LTBP1: variants seen among roughly 807,000 people sequenced by gnomAD.
LTBP1 encodes the protein latent transforming growth factor beta binding protein 1, also known as latent-transforming growth factor beta-binding protein 1.
A neutral mutation model predicts 207.6 loss-of-function variants in LTBP1; 129 were observed. The observed-to-expected ratio is 0.62, with a 90% CI of 0.54 to 0.72. The LOEUF (loss-of-function observed/expected upper bound fraction) is 0.72. Among genes scored for constraint, LTBP1 ranks in the 30% least tolerant of loss-of-function variants. The probability of loss-of-function intolerance (pLI) is 0.00; values close to 1 mark genes in which losing one functional copy is unlikely to be tolerated. For missense variants in LTBP1, 2,281 were observed against 2,217.2 expected (o/e 1.03, Z -0.58); for synonymous variants, 963 against 833.7 (o/e 1.16, Z -2.67).
At chr2:32,980,806 T>G (rs1425190723) in intron 2 of LTBP1, among the ~76,000 whole-genome samples, 2 of 152,202 alleles carry the variant, frequency 1.3e-5, no homozygotes, top group Non-Finnish European at 2.9e-5. Context: ...TGGGAAAGTC[T>G]TTATTTCTCC....
Position 33,188,715 on chromosome 2 carries a change from C to G in LTBP1, c.1565C>G (p.Ser522Trp). 6.2e-7 allele frequency: 1 copy of G among 1,614,176 alleles called. No individual in the cohort carries two copies. Among genetic ancestry groups the G allele is most frequent in the South Asian group, 1.1e-5 (1 of 91,088 alleles). Reference sequence around the variant, plus strand: ...GCTCAACCAGGCCAATCCCAAGTCTCGTACCAAGGGCTTCCTGTCCAGAAG... The same window carrying G: ...GCTCAACCAGGCCAATCCCAAGTCTGGTACCAAGGGCTTCCTGTCCAGAAG... ...KEAQPGQSQV[S>W]YQGLPVQKTQ... Residue 522 changes from serine (S) to tryptophan (W), a missense_variant, in exon 7 of 34, where the codon TCG (serine) becomes TGG (tryptophan). By Grantham distance (177) the Ser-to-Trp change is radical. Transcript: ENST00000404816.
chr2:32,986,115 C>T (rs532694569), intron 2 of LTBP1, among the ~76,000 whole-genome samples: 5 of 152,276 alleles, frequency 3.3e-5, no homozygotes, highest in African/African-American at 1.2e-4. Flanking sequence ...TCTCTCGTGT[C>T]TTTCTGACCC....
Position 33,076,074 on chromosome 2 carries a change from G to T in LTBP1, c.864-34508G>T, listed in dbSNP as rs572171505. On this transcript the variant is annotated intron_variant, in intron 3 of 33. Transcript: ENST00000404816. ...TAAAAAGGAATATTAAGGTATGTTT[G>T]GAGTTGTATGTGACAACCAAAATGA... Among the ~76,000 whole-genome samples, 41 of 152,262 alleles carry T rather than the reference G, an allele frequency of 2.7e-4. 2 individuals carry two copies. In the East Asian group the frequency reaches 6.0e-3, roughly 22 times the overall value.
chr2:32,947,867 C>CCG (rs1030279622), intron 1 of LTBP1, 49 bp downstream of exon 1: 10 of 1,270,312 alleles, frequency 7.9e-6, no homozygotes, highest in Middle Eastern at 3.0e-4. Context: ...CGCGCACCGC[C>CCG]CGCGGAGGGA....
At chr2:33,221,971 T>C in intron 8 of LTBP1, 109 bp from the exon 9 acceptor site, 2 of 689,922 alleles carry the variant, frequency 2.9e-6, no homozygotes, top group East Asian at 2.7e-5. Flanking sequence ...CTTATATTAA[T>C]AAATGAATAA....
intron 11 of LTBP1, among the ~76,000 whole-genome samples, chr2:33,253,747 G>T (rs1037755980): frequency 6.6e-6 from 1 of 152,048 alleles, no homozygotes; most frequent in African/African-American, 2.4e-5. Context: ...TTTGTTCATG[G>T]TTAGAACCAG....
chr2:33,084,976 G>A (rs2078665908), intron 3 of LTBP1, among the ~76,000 whole-genome samples: 1 of 152,164 alleles, frequency 6.6e-6, no homozygotes, highest in African/African-American at 2.4e-5. Context: ...GATCTTATTG[G>A]AAAATTAAGG....
chr2:33,084,141 A>G (rs1162708722), intron 3 of LTBP1, among the ~76,000 whole-genome samples: 1 of 152,216 alleles, frequency 6.6e-6, no homozygotes, highest in Non-Finnish European at 1.5e-5. Context: ...AATAGCAGAC[A>G]AAGAAGGCTT....
At chr2:33,031,302 G>C (rs193071232) in intron 3 of LTBP1, among the ~76,000 whole-genome samples, 32 of 152,232 alleles carry the variant, frequency 2.1e-4, no homozygotes, top group African/African-American at 6.5e-4. Context: ...CAAGTTCTCT[G>C]TGCATTTCTA....
chr2:33,279,624 T>G (rs1354466185), intron 18 of LTBP1, among the ~76,000 whole-genome samples: 4 of 152,132 alleles, frequency 2.6e-5, no homozygotes, highest in African/African-American at 7.2e-5. Flanking sequence ...CCCTAGAGCA[T>G]CCAATGTTTG....
intron 17 of LTBP1, among the ~76,000 whole-genome samples, chr2:33,275,460 G>A (rs955976562): frequency 3.9e-5 from 6 of 152,110 alleles, no homozygotes; most frequent in East Asian, 1.9e-4. Flanking sequence ...CGAGCCTGGC[G>A]GATCACCTGA....
chr2:33,328,498 G>C (rs2149443000), intron 24 of LTBP1, among the ~76,000 whole-genome samples: 1 of 152,294 alleles, frequency 6.6e-6, no homozygotes, highest in South Asian at 2.1e-4. Flanking sequence ...TTACAGTCAT[G>C]GTGGAAGGCA....
chr2:33,388,491 G>T (rs1404783547), intron 31 of LTBP1, among the ~76,000 whole-genome samples: 1 of 152,182 alleles, frequency 6.6e-6, no homozygotes, highest in Admixed American at 6.5e-5. Context: ...AATGGAGATG[G>T]TAGAACATAG....
At chr2:33,063,159 T>G (rs2077349507) in intron 3 of LTBP1, 1 of 152,242 alleles carries the variant, frequency 6.6e-6, no homozygotes, top group Admixed American at 6.5e-5. Context: ...TCAAAACCAC[T>G]TTTTGACATT....
chr2:33,119,014 C>T (rs1350864314), intron 4 of LTBP1, among the ~76,000 whole-genome samples: 3 of 152,074 alleles, frequency 2.0e-5, no homozygotes, highest in Non-Finnish European at 1.5e-5. Flanking sequence ...TTAAATTCCT[C>T]GATGAGCAGC....
At chr2:33,286,486 C>T (rs1216114150) in intron 19 of LTBP1, among the ~76,000 whole-genome samples, 1 of 152,212 alleles carries the variant, frequency 6.6e-6, no homozygotes, top group Non-Finnish European at 1.5e-5. Flanking sequence ...CTTGGTACAG[C>T]AGATATTTGT....
At chr2:33,145,287 T>A (rs909663410) in intron 5 of LTBP1, among the ~76,000 whole-genome samples, 2 of 152,094 alleles carry the variant, frequency 1.3e-5, no homozygotes, top group Non-Finnish European at 2.9e-5. Context: ...CTTTATGCAA[T>A]ACTGAGAGAT....
Position 33,398,602 on chromosome 2 carries a change from G to A in LTBP1, c.*57G>A. 14 of 1,490,852 alleles carry A rather than the reference G, an allele frequency of 9.4e-6. No homozygotes were observed. The highest frequency in any genetic ancestry group is 1.3e-5 in the Non-Finnish European group (14 of 1,103,856). 92.4% of individuals were successfully genotyped at this position (1,490,852 alleles called of 1,614,324 possible). On this transcript the variant is annotated 3_prime_UTR_variant, in exon 34 of 34. Transcript: ENST00000404816. ...TCTGCACTGTGTAAAGGAAAAGGGA[G>A]AAATGTATTATACTTGAGACATTGC...
chr2:33,345,615 A>G (rs777426547), intron 25 of LTBP1, among the ~76,000 whole-genome samples: 1 of 152,236 alleles, frequency 6.6e-6, no homozygotes, highest in Non-Finnish European at 1.5e-5. Flanking sequence ...GGTATTTTTC[A>G]CAAGTGAAAC....
Sources: allele counts gnomAD v4.1 joint callset (sites outside exome capture counted in the v4.1 genomes callset), GRCh38; gene constraint gnomAD v4.1.1; transcripts MANE v1.5; gene names NCBI Gene and HGNC (gene_info 2026-07-23, HGNC 2026-07-21).